Variants in PKIA observed in about 807,000 individuals in gnomAD.
PKIA encodes the protein cAMP-dependent protein kinase inhibitor alpha.
A neutral mutation model predicts 7.6 loss-of-function variants in PKIA; 4 were observed. The ratio of observed to expected loss-of-function variants is 0.52; its 90% CI spans 0.26 to 1.20. The LOEUF (loss-of-function observed/expected upper bound fraction) is 1.20. Among genes scored for constraint, PKIA ranks in the 50% most tolerant of loss-of-function variants. The pLI is 0.13. For synonymous variants in PKIA, 21 were observed against 30.7 expected, an observed-to-expected ratio of 0.68 and a Z score of 1.04; for missense variants, 73 against 86.2, an observed-to-expected ratio of 0.85 and a Z score of 0.61.
chr8:78,588,529 A>C (rs1474681355), intron 2 of PKIA, among the ~76,000 whole-genome samples: 1 of 152,148 alleles, frequency 6.6e-6, no homozygotes, highest in East Asian at 1.9e-4. Flanking sequence ...TAAAACGCTA[A>C]ATACAATTTG....
At chr8:78,521,430 A>T (rs1170075124) in intron 1 of PKIA, among the ~76,000 whole-genome samples, 1 of 152,096 alleles carries the variant, frequency 6.6e-6, no homozygotes, top group African/African-American at 2.4e-5. Flanking sequence ...GCTGATACTT[A>T]AAGGGACTGG....
intron 1 of PKIA, among the ~76,000 whole-genome samples, chr8:78,558,753 G>A (rs1343300842): frequency 2.0e-5 from 3 of 152,090 alleles, no homozygotes; most frequent in African/African-American, 7.2e-5. Context: ...TTTACATCAG[G>A]TGGAGTAAAA....
At chr8:78,555,771 C>G (rs1205810686) in intron 1 of PKIA, among the ~76,000 whole-genome samples, 1 of 151,850 alleles carries the variant, frequency 6.6e-6, no homozygotes, top group African/African-American at 2.4e-5. Flanking sequence ...ATAGAAACCA[C>G]TCTAGAAAAA....
At chr8:78,548,799 G>A (rs1806903354) in intron 1 of PKIA, among the ~76,000 whole-genome samples, 2 of 151,938 alleles carry the variant, frequency 1.3e-5, no homozygotes, top group South Asian at 4.1e-4. Flanking sequence ...TTGTTATAAT[G>A]CAGGGGATAT....
intron 1 of PKIA, among the ~76,000 whole-genome samples, chr8:78,524,000 T>TTATATATATAAATATATATAAACCTTTA (rs371965418): frequency 1.1e-5 from 1 of 92,180 alleles, no homozygotes; most frequent in Admixed American, 1.1e-4. Context: ...ATATAAACAT[T>TTATATATATAAATATATATAAACCTTTA]TATATATAAA....
chr8:78,546,736 A>C (rs901260415), intron 1 of PKIA, among the ~76,000 whole-genome samples: 2 of 152,206 alleles, frequency 1.3e-5, no homozygotes, highest in Non-Finnish European at 2.9e-5. Context: ...TGATTCTTGT[A>C]ACCCGTTTAG....
chr8:78,532,731 A>G (rs1226520711), intron 1 of PKIA, among the ~76,000 whole-genome samples: 1 of 151,872 alleles, frequency 6.6e-6, no homozygotes, highest in Non-Finnish European at 1.5e-5. Flanking sequence ...ACGTGGTGGT[A>G]TCCCTTCTCT....
intron 1 of PKIA, among the ~76,000 whole-genome samples, chr8:78,542,995 G>C (rs1364470711): frequency 6.6e-6 from 1 of 152,110 alleles, no homozygotes; most frequent in Non-Finnish European, 1.5e-5. Context: ...ACAGGAAGTA[G>C]CATGAAGATG....
In PKIA at chr8:78,602,286, G is replaced by A; in HGVS notation, c.*465G>A. 1 of 169,546 alleles carries A rather than the reference G, an allele frequency of 5.9e-6. No homozygotes were observed. The allele number at this position is 169,546 out of a possible 1,614,324, so 10.5% of individuals were successfully genotyped here. A position where few individuals can be genotyped will look rare whatever the true frequency, so the allele number is the denominator to read the frequency against. On this transcript the variant is annotated 3_prime_UTR_variant, in exon 4 of 4. Coordinates refer to ENST00000396418, the MANE Select transcript of PKIA (RefSeq NM_006823.4). ...ACTGTTTTTAGCATTACGTATCTGT[G>A]TGTTACTGCTGTGTTATTTACACTG... is the stretch of plus-strand genomic sequence containing the variant.
chr8:78,527,639 G>A (rs1193711477), intron 1 of PKIA, among the ~76,000 whole-genome samples: 1 of 151,890 alleles, frequency 6.6e-6, no homozygotes, highest in Non-Finnish European at 1.5e-5. Context: ...ACCTATTTCA[G>A]ATTGCTTTAT....
intron 2 of PKIA, among the ~76,000 whole-genome samples, chr8:78,575,953 G>T (rs1425282103): frequency 6.6e-6 from 1 of 151,954 alleles, no homozygotes; most frequent in African/African-American, 2.4e-5. Flanking sequence ...TTTCTCCTGA[G>T]GCCTCTCTCC....
intron 2 of PKIA, among the ~76,000 whole-genome samples, chr8:78,582,098 A>C (rs1416150004): frequency 6.6e-6 from 1 of 151,934 alleles, no homozygotes; most frequent in Admixed American, 6.6e-5. Context: ...AAAGCTGTTT[A>C]CAATGGTAGT....
At chr8:78,523,531 A>G (rs1464212158) in intron 1 of PKIA, among the ~76,000 whole-genome samples, 1 of 151,900 alleles carries the variant, frequency 6.6e-6, no homozygotes, top group Non-Finnish European at 1.5e-5. Context: ...TTCCTCACTT[A>G]TATACTGCAG....
chr8:78,551,183 G>A (rs189560493), intron 1 of PKIA, among the ~76,000 whole-genome samples: 16 of 152,130 alleles, frequency 1.1e-4, no homozygotes, highest in South Asian at 1.0e-3. Context: ...TACAAAAGAA[G>A]AGTCTTTAGT....
rs1554584766 is a variant in PKIA at position 78,602,713 on chromosome 8, A to ATATATATATATATATT, written c.*893_*894insATATATATATATATTT. On this transcript the variant is annotated 3_prime_UTR_variant, in exon 4 of 4. Coordinates refer to ENST00000396418, the MANE Select transcript of PKIA (RefSeq NM_006823.4). ...CCACATAATATATATATATATATAT[A>ATATATATATATATATT]TTTTAATTTATGAGAATTTTGGACA... 1.4e-5 allele frequency: 2 copies of ATATATATATATATATT among 147,890 alleles called. No homozygotes were observed. Among genetic ancestry groups the ATATATATATATATATT allele is most frequent in the African/African-American group, 5.0e-5 (2 of 39,954 alleles). 9.2% of individuals were successfully genotyped at this position (147,890 alleles called of 1,614,324 possible).
intron 1 of PKIA, among the ~76,000 whole-genome samples, chr8:78,570,651 C>G (rs1448092125): frequency 6.6e-6 from 1 of 151,732 alleles, no homozygotes; most frequent in African/African-American, 2.4e-5. Context: ...TTCCATCTTC[C>G]TTACAATTAA....
At chr8:78,598,877 C>A (rs1808291506) in intron 3 of PKIA, among the ~76,000 whole-genome samples, 1 of 151,992 alleles carries the variant, frequency 6.6e-6, no homozygotes, top group Non-Finnish European at 1.5e-5. Flanking sequence ...CTACCTTTGA[C>A]AATATTGGCC....
chr8:78,547,875 T>TC (rs1806872556), intron 1 of PKIA, among the ~76,000 whole-genome samples: 1 of 148,672 alleles, frequency 6.7e-6, no homozygotes, highest in South Asian at 2.1e-4. Context: ...ATGAAGCTCA[T>TC]CTTAGTTTTC....
At chr8:78,597,941 A>T (rs1466785227) in intron 2 of PKIA, among the ~76,000 whole-genome samples, 4 of 151,940 alleles carry the variant, frequency 2.6e-5, no homozygotes, top group Non-Finnish European at 5.9e-5. Context: ...ATCCTAAGTA[A>T]ATTAATGCAG....
Sources: allele counts gnomAD v4.1 joint callset (sites outside exome capture counted in the v4.1 genomes callset), GRCh38; gene constraint gnomAD v4.1.1; transcripts MANE v1.5; gene names NCBI Gene and HGNC (gene_info 2026-07-23, HGNC 2026-07-21).